TAFA2: variants seen among roughly 807,000 people sequenced by gnomAD.
The protein encoded by TAFA2 is chemokine-like protein TAFA-2.
Under a neutral mutation model 18.8 loss-of-function variants are expected in TAFA2, and 7 were observed. The ratio of observed to expected loss-of-function variants is 0.37; its 90% CI spans 0.21 to 0.70. TAFA2 has a LOEUF of 0.70. TAFA2 is among the 30% of genes least tolerant of loss of function. TAFA2 has a pLI of 0.53. For synonymous variants in TAFA2, 60 were observed against 54.2 expected (o/e 1.11, Z -0.47); for missense variants, 122 against 158.1 (o/e 0.77, Z 1.23).
chr12:61,782,055 A>T (rs924372087), intron 2 of TAFA2, among the ~76,000 whole-genome samples: 6 of 151,644 alleles, frequency 4.0e-5, no homozygotes, highest in African/African-American at 9.7e-5. Flanking sequence ...GGTGGAATAC[A>T]TGCCTACTAA....
At chr12:62,173,973 A>C (rs1276927473) in intron 1 of TAFA2, among the ~76,000 whole-genome samples, 2 of 152,166 alleles carry the variant, frequency 1.3e-5, no homozygotes, top group African/African-American at 4.8e-5. Context: ...TGCAGTAGTT[A>C]AGTGATGAGA....
intron 1 of TAFA2, among the ~76,000 whole-genome samples, chr12:62,233,066 C>CTT (rs34781688): frequency 0.12 from 4,704 of 39,602 alleles, 1,641 homozygotes; most frequent in Non-Finnish European, 0.14. Context: ...TTCTGCATCT[C>CTT]TTTTTTTTTT....
At chr12:61,861,002 G>C (rs1035454532) in intron 2 of TAFA2, among the ~76,000 whole-genome samples, 4 of 152,166 alleles carry the variant, frequency 2.6e-5, no homozygotes, top group Non-Finnish European at 5.9e-5. Context: ...TCAGGCTGGA[G>C]TGCAGTGGTA....
At chr12:61,973,219 T>C (rs753326206) in intron 1 of TAFA2, among the ~76,000 whole-genome samples, 1 of 151,592 alleles carries the variant, frequency 6.6e-6, no homozygotes, top group Admixed American at 6.6e-5. Context: ...AAAGTGCACA[T>C]ACAAATGTTG....
At chr12:61,763,779 AAG>A (rs1869665063) in intron 2 of TAFA2, among the ~76,000 whole-genome samples, 1 of 151,960 alleles carries the variant, frequency 6.6e-6, no homozygotes, top group Non-Finnish European at 1.5e-5. Flanking sequence ...AAAGGGAACC[AAG>A]CACAGCAGCA....
intron 1 of TAFA2, among the ~76,000 whole-genome samples, chr12:61,961,618 T>C (rs1052767367): frequency 6.6e-6 from 1 of 151,970 alleles, no homozygotes; most frequent in Non-Finnish European, 1.5e-5. Flanking sequence ...AAGTACCTCA[T>C]CCAAGGTCAC....
chr12:62,208,683 T>C (rs1405686782), intron 1 of TAFA2, among the ~76,000 whole-genome samples: 1 of 152,240 alleles, frequency 6.6e-6, no homozygotes, highest in Non-Finnish European at 1.5e-5. Flanking sequence ...GATTAGAGGA[T>C]AGGATTATCA....
At chr12:62,003,865 A>T (rs529395428) in intron 1 of TAFA2, among the ~76,000 whole-genome samples, 16 of 152,344 alleles carry the variant, frequency 1.1e-4, no homozygotes, top group African/African-American at 3.6e-4. Context: ...AAGAAGCAGA[A>T]CCAGACTTGA....
intron 1 of TAFA2, among the ~76,000 whole-genome samples, chr12:62,236,671 T>G (rs2062839167): frequency 6.6e-6 from 1 of 152,236 alleles, no homozygotes; most frequent in African/African-American, 2.4e-5. Flanking sequence ...CCTCAGCTTT[T>G]GGTTGTCTGG....
intron 1 of TAFA2, among the ~76,000 whole-genome samples, chr12:62,154,544 A>G (rs2062354970): frequency 6.6e-6 from 1 of 152,198 alleles, no homozygotes; most frequent in African/African-American, 2.4e-5. Context: ...TGTCTTTGTC[A>G]ATATTTAGAG....
At chr12:61,816,332 T>C (rs1020823835) in intron 2 of TAFA2, among the ~76,000 whole-genome samples, 1 of 151,468 alleles carries the variant, frequency 6.6e-6, no homozygotes, top group Non-Finnish European at 1.5e-5. Context: ...GCTCCATCCA[T>C]GTTCCTGCAA....
intron 2 of TAFA2, among the ~76,000 whole-genome samples, chr12:61,760,295 A>G (rs1455147595): frequency 6.7e-6 from 1 of 148,154 alleles, no homozygotes; most frequent in Non-Finnish European, 1.5e-5. Flanking sequence ...TAGATGATAG[A>G]TAGATGATAG....
At chr12:62,089,976 T>A (rs1234659490) in intron 1 of TAFA2, among the ~76,000 whole-genome samples, 2 of 152,110 alleles carry the variant, frequency 1.3e-5, no homozygotes, top group African/African-American at 4.8e-5. Flanking sequence ...TTAAGCTGAA[T>A]AACACTGAGA....
At chr12:61,726,792 T>C (rs1870189210) in intron 4 of TAFA2, among the ~76,000 whole-genome samples, 1 of 152,044 alleles carries the variant, frequency 6.6e-6, no homozygotes, top group Non-Finnish European at 1.5e-5. Context: ...TGGACATCCT[T>C]GTCTTGTTCC....
intron 1 of TAFA2, among the ~76,000 whole-genome samples, chr12:62,005,982 T>C (rs959406721): frequency 9.2e-5 from 14 of 152,228 alleles, no homozygotes; most frequent in Admixed American, 9.2e-4. Context: ...TATCAAGCTC[T>C]ATTAAGCAAA....
chr12:62,113,499 TC>T (rs1263391530), intron 1 of TAFA2, among the ~76,000 whole-genome samples: 1 of 152,164 alleles, frequency 6.6e-6, no homozygotes, highest in East Asian at 1.9e-4. Flanking sequence ...AGGCAGTCTG[TC>T]CCTTAGCAGA....
At chr12:61,921,876 G>A (rs1449272317) in intron 1 of TAFA2, among the ~76,000 whole-genome samples, 2 of 152,148 alleles carry the variant, frequency 1.3e-5, no homozygotes, top group Non-Finnish European at 2.9e-5. Context: ...AAATGACAAT[G>A]AGACAAAAAC....
intron 1 of TAFA2, among the ~76,000 whole-genome samples, chr12:61,930,071 G>T (rs563292972): frequency 6.6e-6 from 1 of 151,854 alleles, no homozygotes; most frequent in East Asian, 1.9e-4. Context: ...CGAGTTGATG[G>T]GCGCAGCACA....
chr12:61,957,837 T>C (rs1384480208), intron 1 of TAFA2, among the ~76,000 whole-genome samples: 1 of 152,078 alleles, frequency 6.6e-6, no homozygotes, highest in Non-Finnish European at 1.5e-5. Context: ...CCTGCCTCTT[T>C]CCCTTATTTC....
Sources: allele counts gnomAD v4.1 joint callset (sites outside exome capture counted in the v4.1 genomes callset), GRCh38; gene constraint gnomAD v4.1.1; transcripts MANE v1.5; gene names NCBI Gene and HGNC (gene_info 2026-07-23, HGNC 2026-07-21).